TET2: variants seen among roughly 807,000 people sequenced by gnomAD.
TET2 encodes methylcytosine dioxygenase TET2.
TET2 carries 299 observed loss-of-function variants against 142.9 expected under a neutral mutation model. The ratio of observed to expected loss-of-function variants is 2.09; its 90% CI spans 1.90 to 2.30. The LOEUF (loss-of-function observed/expected upper bound fraction) is 2.30, where lower values mean the gene tolerates loss of function less well. Ranked by LOEUF, TET2 falls within the 30% of genes most tolerant of loss-of-function variation. The pLI is 0.00. For missense variants in TET2, 2,418 were observed against 2,378.0 expected (o/e 1.02, Z -0.35); for synonymous variants, 819 against 849.0 (o/e 0.96, Z 0.61).
intron 1 of TET2, among the ~76,000 whole-genome samples, chr4:105,173,441 G>A (rs1048615197): frequency 3.9e-5 from 6 of 152,032 alleles, no homozygotes; most frequent in South Asian, 4.1e-4. Flanking sequence ...GCTGAGGCAG[G>A]AGAATCGATT....
chr4:105,189,145 A>C (rs1323582602), intron 1 of TET2, among the ~76,000 whole-genome samples: 3 of 152,080 alleles, frequency 2.0e-5, no homozygotes, highest in Middle Eastern at 3.2e-3. Context: ...ACTTTGAGAA[A>C]AAATTAAGAG....
intron 2 of TET2, among the ~76,000 whole-genome samples, chr4:105,227,861 G>A (rs1452966788): frequency 6.6e-6 from 1 of 152,010 alleles, no homozygotes; most frequent in Non-Finnish European, 1.5e-5. Context: ...TGAATAGCAG[G>A]TCAATATCTA....
chr4:105,214,183 A>G (rs1321222687), intron 2 of TET2, among the ~76,000 whole-genome samples: 1 of 151,992 alleles, frequency 6.6e-6, no homozygotes, highest in Non-Finnish European at 1.5e-5. Flanking sequence ...TTTCTGGTTC[A>G]TAGCTCCAAT....
At chr4:105,239,806 T>A (rs1729192593) in intron 3 of TET2, 1 of 229,968 alleles carries the variant, frequency 4.3e-6, no homozygotes, top group South Asian at 1.8e-4. Context: ...GCTTTTGACA[T>A]GCCTTCCTCA....
At chr4:105,241,299 AATTGAGGT>A in intron 3 of TET2, 32 bp from the exon 4 acceptor site, 2 of 1,518,246 alleles carry the variant, frequency 1.3e-6, no homozygotes, top group Non-Finnish European at 1.8e-6. Flanking sequence ...TATTTAGTAT[AATTGAGGT>A]CTAAAATAAT....
At chr4:105,151,936 A>G (rs949970890) in intron 1 of TET2, among the ~76,000 whole-genome samples, 3 of 151,950 alleles carry the variant, frequency 2.0e-5, no homozygotes, top group Admixed American at 1.3e-4. Flanking sequence ...TTAGCCGGGC[A>G]TGGTGGCACA....
chr4:105,190,876 C>T (rs924296539), intron 2 of TET2, among the ~76,000 whole-genome samples: 5 of 152,156 alleles, frequency 3.3e-5, no homozygotes, highest in African/African-American at 9.7e-5. Flanking sequence ...GTAGCCACTT[C>T]GTCTCAATCT....
chr4:105,253,957 G>A (rs577535684), intron 6 of TET2, among the ~76,000 whole-genome samples: 1 of 152,058 alleles, frequency 6.6e-6, no homozygotes, highest in African/African-American at 2.4e-5. Flanking sequence ...GCTTATTAAC[G>A]AAATGGATTA....
Position 105,234,903 on chromosome 4 carries a change from C to A in TET2, c.961C>A (p.Gln321Lys). ...LNTCSFQKPE[Q>K]LQQQKSVFEI... is the part of the protein sequence containing the mutation. ...TACCTGTTCCTTTCAGAAACCAGAA[C>A]AACTACAACAACAAAAATCAGTTTT... The change falls in exon 3 of 11, where the codon CAA becomes AAA. Residue 321 changes from glutamine (Q) to lysine (K), a missense_variant. Transcript: ENST00000380013. 1 of 1,614,066 alleles carries A rather than the reference C, an allele frequency of 6.2e-7. No homozygotes were observed. The highest frequency in any genetic ancestry group is 8.5e-7 in the Non-Finnish European group (1 of 1,179,998).
At chr4:105,163,742 T>C (rs113186400) in intron 1 of TET2, among the ~76,000 whole-genome samples, 4 of 151,836 alleles carry the variant, frequency 2.6e-5, no homozygotes, top group African/African-American at 9.7e-5. Flanking sequence ...TCGTAATCAA[T>C]GTAAATCAAC....
chr4:105,198,362 CATAA>C (rs1726219265), intron 2 of TET2, among the ~76,000 whole-genome samples: 1 of 151,784 alleles, frequency 6.6e-6, no homozygotes, highest in African/African-American at 2.4e-5. Flanking sequence ...AAATAAAATA[CATAA>C]ATAAATGCTT....
At position 105,276,485 on chromosome 4, in the gene TET2, C is replaced by T. The variant is rs1731230570; in HGVS notation, c.5975C>T (p.Thr1992Ile). The change falls in exon 11 of 11, where the codon ACT becomes ATT. Residue 1992 changes from threonine (T) to isoleucine (I), a missense_variant. By Grantham distance (89) the Thr-to-Ile change is moderately conservative (BLOSUM62 -1). Transcript: ENST00000380013. ...GTAACTACATCTCCATATGCCTTCA[C>T]TCGGGTCACAGGGCCTTACAACAGA... ...STVTTSPYAF[T>I]RVTGPYNRYI 1 of 1,551,692 alleles carries T rather than the reference C, an allele frequency of 6.4e-7. No homozygotes were observed.
intron 2 of TET2, among the ~76,000 whole-genome samples, chr4:105,218,490 C>T (rs958330962): frequency 2.0e-5 from 3 of 152,032 alleles, no homozygotes; most frequent in Non-Finnish European, 4.4e-5. Flanking sequence ...CCCTTCAAAC[C>T]GAAAGTGGTC....
At chr4:105,172,226 T>C (rs1441927837) in intron 1 of TET2, among the ~76,000 whole-genome samples, 2 of 152,182 alleles carry the variant, frequency 1.3e-5, no homozygotes, top group African/African-American at 4.8e-5. Context: ...AATCCACATG[T>C]AATTTTTGAC....
intron 3 of TET2, chr4:105,240,193 A>T (rs1032663574): frequency 3.9e-6 from 1 of 259,454 alleles, no homozygotes; most frequent in Non-Finnish European, 7.5e-6. Context: ...AAGTGAGCAC[A>T]TGCTGTTGAA....
At chr4:105,225,171 A>G (rs1054709467) in intron 2 of TET2, among the ~76,000 whole-genome samples, 2 of 118,630 alleles carry the variant, frequency 1.7e-5, no homozygotes, top group African/African-American at 7.4e-5. Flanking sequence ...ATGCTGCACC[A>G]TATAGTAAAA....
intron 3 of TET2, chr4:105,240,244 C>T (rs1197109767): frequency 3.0e-6 from 2 of 673,348 alleles, no homozygotes; most frequent in African/African-American, 1.9e-5. Flanking sequence ...GTGGGATTGC[C>T]ACAAACCTTC....
At chr4:105,247,113 A>C (rs567969032) in intron 6 of TET2, among the ~76,000 whole-genome samples, 2 of 152,224 alleles carry the variant, frequency 1.3e-5, no homozygotes, top group African/African-American at 2.4e-5. Context: ...AAAGTGCAAT[A>C]TAATGAATTC....
chr4:105,228,433 T>C (rs1728310986), intron 2 of TET2, among the ~76,000 whole-genome samples: 1 of 152,124 alleles, frequency 6.6e-6, no homozygotes, highest in Admixed American at 6.5e-5. Flanking sequence ...TTGAAATACA[T>C]TTCTTTTTTA....
Sources: allele counts gnomAD v4.1 joint callset (sites outside exome capture counted in the v4.1 genomes callset), GRCh38; gene constraint gnomAD v4.1.1; transcripts MANE v1.5; gene names NCBI Gene and HGNC (gene_info 2026-07-23, HGNC 2026-07-21).